The following SLC16A12 variants were observed in gnomAD, a reference collection of about 807,000 sequenced individuals.
The protein encoded by SLC16A12 is solute carrier family 16 member 12.
Under a neutral mutation model 42.4 loss-of-function variants are expected in SLC16A12, and 17 were observed. That is an observed-to-expected ratio of 0.40 (90% CI 0.27 to 0.60). The LOEUF is 0.60. Among genes scored for constraint, SLC16A12 ranks in the 20% least tolerant of loss-of-function variants. The probability of loss-of-function intolerance (pLI) is 0.42; values close to 1 mark genes in which losing one functional copy is unlikely to be tolerated. For synonymous variants in SLC16A12, 224 were observed against 229.4 expected, an observed-to-expected ratio of 0.98 and a Z score of 0.21; for missense variants, 544 against 623.0, an observed-to-expected ratio of 0.87 and a Z score of 1.35.
upstream of SLC16A12, among the ~76,000 whole-genome samples, chr10:89,538,344 T>C (rs1367891253): frequency 6.6e-6 from 1 of 152,264 alleles, no homozygotes; most frequent in Non-Finnish European, 1.5e-5. Context: ...TATGGCTATT[T>C]ACATTTTAGT....
At chr10:89,483,004 G>A (rs529328805) in intron 2 of SLC16A12, among the ~76,000 whole-genome samples, 6 of 152,256 alleles carry the variant, frequency 3.9e-5, no homozygotes, top group Admixed American at 1.3e-4. Context: ...TGGCTAAAAC[G>A]GAAATTTACT....
chr10:89,532,172 A>C (rs1843565631), intron 2 of SLC16A12, among the ~76,000 whole-genome samples: 1 of 152,214 alleles, frequency 6.6e-6, no homozygotes, highest in Non-Finnish European at 1.5e-5. Flanking sequence ...CACACTAATT[A>C]AATAATTAAT....
chr10:89,552,525 C>T (rs1681116091), intron 2 of SLC16A12, among the ~76,000 whole-genome samples: 2 of 151,970 alleles, frequency 1.3e-5, no homozygotes, highest in South Asian at 4.2e-4. Flanking sequence ...TTGAGGTGGA[C>T]GTGTGAGAGG....
At chr10:89,547,236 G>A (rs1242486863) in intron 2 of SLC16A12, among the ~76,000 whole-genome samples, 1 of 152,070 alleles carries the variant, frequency 6.6e-6, no homozygotes, top group African/African-American at 2.4e-5. Flanking sequence ...AAAAGTTTTT[G>A]CAAACACATT....
intron 7 of SLC16A12, among the ~76,000 whole-genome samples, chr10:89,434,313 A>G (rs978380875): frequency 2.0e-5 from 3 of 152,246 alleles, no homozygotes; most frequent in Admixed American, 1.3e-4. Flanking sequence ...TCGAATTTCC[A>G]GTAATGAGTA....
chr10:89,499,454 T>C (rs11185732), intron 2 of SLC16A12, among the ~76,000 whole-genome samples: 17,303 of 152,170 alleles, frequency 0.11, 1,054 homozygotes, highest in South Asian at 0.2. Flanking sequence ...CTCGGGAGGC[T>C]GAGGCAGGAG....
chr10:89,512,725 T>C (rs1395240010), intron 2 of SLC16A12, among the ~76,000 whole-genome samples: 1 of 152,188 alleles, frequency 6.6e-6, no homozygotes, highest in Admixed American at 6.5e-5. Context: ...ATATATCCTT[T>C]GTAATAAACT....
At chr10:89,453,929 C>T (rs1053826507) in intron 3 of SLC16A12, among the ~76,000 whole-genome samples, 1 of 151,984 alleles carries the variant, frequency 6.6e-6, no homozygotes, top group African/African-American at 2.4e-5. Context: ...TCAGTCTGCC[C>T]GAGAACCACT....
intron 2 of SLC16A12, among the ~76,000 whole-genome samples, chr10:89,555,215 TGAG>T (rs1843802246): frequency 6.6e-6 from 1 of 151,896 alleles, no homozygotes; most frequent in African/African-American, 2.4e-5. Flanking sequence ...GCTATATTGC[TGAG>T]GCTGAACTCA....
intron 2 of SLC16A12, among the ~76,000 whole-genome samples, chr10:89,511,285 G>A (rs1399283417): frequency 1.3e-5 from 2 of 152,220 alleles, no homozygotes; most frequent in African/African-American, 4.8e-5. Context: ...GCACACGTAT[G>A]TGTATTGCAG....
chr10:89,539,743 A>G (rs920348731), upstream of SLC16A12, among the ~76,000 whole-genome samples: 35 of 152,216 alleles, frequency 2.3e-4, no homozygotes, highest in Non-Finnish European at 4.4e-5. Flanking sequence ...TTTTAGGACT[A>G]AATACAAACA....
At position 89,466,361 on chromosome 10, in the gene SLC16A12, C is replaced by T. The variant is rs370843637; in HGVS notation, c.-46-3737G>A. Reference sequence around the variant, plus strand: ...AGCATTGCAGAAAAGAGACAATAGCCCTGCTTTCATGAGGCTCACATCCTA... The same window carrying T: ...AGCATTGCAGAAAAGAGACAATAGCTCTGCTTTCATGAGGCTCACATCCTA... On this transcript the variant is annotated intron_variant, in intron 2 of 7. Transcript: ENST00000371790. Among the ~76,000 whole-genome samples the T allele has an allele frequency of 1.4e-4, 22 of 152,208 alleles. No individual in the cohort carries two copies. In the East Asian group the frequency reaches 1.9e-3, roughly 13 times the overall value.
chr10:89,538,696 G>A (rs1843695110), upstream of SLC16A12, among the ~76,000 whole-genome samples: 2 of 152,210 alleles, frequency 1.3e-5, no homozygotes, highest in Admixed American at 1.3e-4. Flanking sequence ...TCTATAGAAT[G>A]TATTTAATTC....
At chr10:89,445,019 A>G (rs781488252) in intron 3 of SLC16A12, among the ~76,000 whole-genome samples, 14 of 152,370 alleles carry the variant, frequency 9.2e-5, no homozygotes, top group Middle Eastern at 3.4e-3. Context: ...CCGAGATCAA[A>G]CTGTGAGGCG....
intron 2 of SLC16A12, among the ~76,000 whole-genome samples, chr10:89,549,329 G>A (rs924272301): frequency 2.6e-5 from 4 of 152,288 alleles, no homozygotes; most frequent in African/African-American, 9.6e-5. Context: ...CACCTCAAGT[G>A]CTATACCAAT....
At chr10:89,480,873 T>C (rs1842650701) in intron 2 of SLC16A12, among the ~76,000 whole-genome samples, 1 of 152,220 alleles carries the variant, frequency 6.6e-6, no homozygotes, top group Non-Finnish European at 1.5e-5. Context: ...CTTGAACATT[T>C]AAACTAATTT....
chr10:89,494,058 A>G (rs1324336080), intron 2 of SLC16A12, among the ~76,000 whole-genome samples: 1 of 152,206 alleles, frequency 6.6e-6, no homozygotes, highest in Non-Finnish European at 1.5e-5. Flanking sequence ...CCCCCACGCT[A>G]TATTTCTTCT....
At chr10:89,528,552 T>G (rs1460287160) in intron 2 of SLC16A12, among the ~76,000 whole-genome samples, 2 of 152,148 alleles carry the variant, frequency 1.3e-5, no homozygotes, top group African/African-American at 4.8e-5. Flanking sequence ...CACTGAACAT[T>G]CATTCAACCA....
intron 7 of SLC16A12, among the ~76,000 whole-genome samples, chr10:89,433,967 A>G (rs563936885): frequency 1.7e-4 from 26 of 152,252 alleles, no homozygotes; most frequent in Non-Finnish European, 3.2e-4. Flanking sequence ...ACAATGACAG[A>G]AAACCAGTGG....
Sources: gnomAD v4.1 joint callset for allele counts (sites outside exome capture counted in the v4.1 genomes callset) on GRCh38, gnomAD v4.1.1 for gene constraint, MANE v1.5 for transcripts, NCBI Gene and HGNC (gene_info 2026-07-23, HGNC 2026-07-21) for gene names.